The following RPS6KC1 variants were observed in gnomAD, a reference collection of about 807,000 sequenced individuals.
RPS6KC1 encodes inactive ribosomal protein S6 kinase delta-1.
A neutral mutation model predicts 103.8 loss-of-function variants in RPS6KC1; 54 were observed. The observed-to-expected ratio is 0.52, with a 90% confidence interval of 0.42 to 0.65. The LOEUF is 0.65. Ranked by LOEUF, RPS6KC1 falls within the 30% of genes least tolerant of loss-of-function variation. The pLI is 0.00. For synonymous variants in RPS6KC1, 439 were observed against 438.7 expected, an observed-to-expected ratio of 1.00 and a Z score of -0.01; for missense variants, 1,151 against 1,253.8, an observed-to-expected ratio of 0.92 and a Z score of 1.24.
At chr1:213,379,320 T>C in the RPS6KC1 span, among the ~76,000 whole-genome samples, 38 of 152,192 alleles carry the variant, frequency 2.5e-4, no homozygotes, top group African/African-American at 8.9e-4. Context: ...CATTGGAGGG[T>C]AGGCCCCTAA....
intron 8 of RPS6KC1, among the ~76,000 whole-genome samples, chr1:213,182,778 GAT>G (rs2092334299): frequency 6.8e-6 from 1 of 146,566 alleles, no homozygotes; most frequent in Admixed American, 6.9e-5. Flanking sequence ...CATATATATC[GAT>G]ATATATGATA....
the RPS6KC1 span, among the ~76,000 whole-genome samples, chr1:213,548,680 C>A: frequency 1.3e-5 from 2 of 151,836 alleles, no homozygotes; most frequent in Admixed American, 6.6e-5. Flanking sequence ...AAAAGAAAAG[C>A]AAAGAAATGG....
At chr1:213,410,798 T>C in the RPS6KC1 span, among the ~76,000 whole-genome samples, 1 of 150,288 alleles carries the variant, frequency 6.7e-6, no homozygotes, top group East Asian at 1.9e-4. Context: ...AGAAGTTAAC[T>C]TGTCAGGGAC....
At chr1:213,387,776 G>T in the RPS6KC1 span, among the ~76,000 whole-genome samples, 6 of 152,236 alleles carry the variant, frequency 3.9e-5, no homozygotes, top group African/African-American at 1.4e-4. Flanking sequence ...GCAATTATCT[G>T]ACTCAACTTC....
the RPS6KC1 span, among the ~76,000 whole-genome samples, chr1:213,349,233 A>ACCCAAAATATTATTGACATATG: frequency 1.3e-5 from 2 of 152,246 alleles, no homozygotes; most frequent in South Asian, 2.1e-4. Context: ...AAACTACACA[A>ACCCAAAATATTATTGACATATG]ACACACTTTG....
chr1:213,370,930 G>C, the RPS6KC1 span, among the ~76,000 whole-genome samples: 3 of 152,296 alleles, frequency 2.0e-5, no homozygotes, highest in African/African-American at 7.2e-5. Flanking sequence ...GGGTTTGTTA[G>C]ATTCATACAG....
intron 6 of RPS6KC1, among the ~76,000 whole-genome samples, chr1:213,151,912 C>T (rs1167017865): frequency 5.8e-5 from 7 of 120,966 alleles, no homozygotes; most frequent in South Asian, 2.8e-4. Flanking sequence ...GACGGGGCGG[C>T]TGGCCGGGCG....
Position 213,274,016 on chromosome 1 carries a change from A to G in RPS6KC1, c.*1382A>G, listed in dbSNP as rs1364717715. On this transcript the variant is annotated 3_prime_UTR_variant, in exon 15 of 15. Transcript: ENST00000366960. ...CTGCCATCGACCAGGTCCTCTCATC[A>G]AATTAAATGGAACAGAAAATGCTCT... 6.6e-6 allele frequency: 1 copy of G among 152,212 alleles called. No homozygotes were observed. The highest frequency in any genetic ancestry group is 1.5e-5 in the Non-Finnish European group (1 of 68,044). The allele number at this position is 152,212 out of a possible 1,614,324, so 9.4% of individuals were successfully genotyped here.
chr1:213,093,474 T>C (rs1462845150), intron 3 of RPS6KC1, among the ~76,000 whole-genome samples: 1 of 152,162 alleles, frequency 6.6e-6, no homozygotes, highest in Non-Finnish European at 1.5e-5. Flanking sequence ...CCTCCCAAAG[T>C]CCTGGGATTA....
intron 14 of RPS6KC1, among the ~76,000 whole-genome samples, chr1:213,271,065 A>G (rs931776246): frequency 1.1e-4 from 16 of 152,246 alleles, no homozygotes; most frequent in Non-Finnish European, 2.1e-4. Context: ...TGACCCAGCA[A>G]TTCTGCTTCT....
intron 12 of RPS6KC1, among the ~76,000 whole-genome samples, chr1:213,253,865 C>G (rs1487016608): frequency 6.6e-6 from 1 of 152,046 alleles, no homozygotes; most frequent in African/African-American, 2.4e-5. Context: ...TTTTGGGAGC[C>G]AAGCTTATTA....
the RPS6KC1 span, among the ~76,000 whole-genome samples, chr1:213,373,289 T>C: frequency 6.6e-6 from 1 of 152,202 alleles, no homozygotes; most frequent in Non-Finnish European, 1.5e-5. Flanking sequence ...CATACAACTA[T>C]CTGTTCATTT....
the RPS6KC1 span, among the ~76,000 whole-genome samples, chr1:213,591,586 C>A: frequency 1.3e-5 from 2 of 152,166 alleles, no homozygotes; most frequent in Non-Finnish European, 2.9e-5. Flanking sequence ...GGGATGGAGT[C>A]CCTGTTGCCA....
At chr1:213,257,562 A>G (rs2094677573) in intron 12 of RPS6KC1, among the ~76,000 whole-genome samples, 1 of 152,200 alleles carries the variant, frequency 6.6e-6, no homozygotes, top group South Asian at 2.1e-4. Context: ...AAGGTTGCTT[A>G]GAGATTGTAA....
At chr1:213,666,687 C>T in the RPS6KC1 span, among the ~76,000 whole-genome samples, 1 of 152,184 alleles carries the variant, frequency 6.6e-6, no homozygotes, top group African/African-American at 2.4e-5. Flanking sequence ...ACCAAATACA[C>T]AAAAGCAGGA....
chr1:213,610,718 G>A, the RPS6KC1 span, among the ~76,000 whole-genome samples: 1 of 152,196 alleles, frequency 6.6e-6, no homozygotes, highest in Non-Finnish European at 1.5e-5. Flanking sequence ...TGGATGGCAG[G>A]AAAACAATAC....
chr1:213,423,690 T>A, the RPS6KC1 span, among the ~76,000 whole-genome samples: 5 of 152,212 alleles, frequency 3.3e-5, no homozygotes, highest in Non-Finnish European at 7.3e-5. Flanking sequence ...GTTCCAAGTG[T>A]TAGCAAATGC....
chr1:213,111,931 A>C (rs1305119711), intron 4 of RPS6KC1, among the ~76,000 whole-genome samples: 3 of 152,188 alleles, frequency 2.0e-5, no homozygotes, highest in African/African-American at 7.2e-5. Flanking sequence ...TATTGTAATA[A>C]AGTGTAGAAT....
chr1:213,263,402 T>G (rs1391420405), intron 14 of RPS6KC1, among the ~76,000 whole-genome samples: 1 of 152,190 alleles, frequency 6.6e-6, no homozygotes, highest in Admixed American at 6.6e-5. Flanking sequence ...CTTAGATTGA[T>G]TCCTCATACT....
Sources: allele counts gnomAD v4.1 joint callset (sites outside exome capture counted in the v4.1 genomes callset), GRCh38; gene constraint gnomAD v4.1.1; transcripts MANE v1.5; gene names NCBI Gene and HGNC (gene_info 2026-07-23, HGNC 2026-07-21).